Variants in PTGDS observed in about 807,000 individuals in gnomAD.
PTGDS encodes prostaglandin D2 synthase, also known as prostaglandin-H2 D-isomerase.
In PTGDS, 21 loss-of-function variants were observed where a neutral mutation model predicts 28.4. The ratio of observed to expected loss-of-function variants is 0.74; its 90% CI spans 0.52 to 1.07. PTGDS has a LOEUF of 1.07. Ranked by LOEUF, PTGDS falls within the 50% of genes least tolerant of loss-of-function variation. PTGDS has a pLI of 0.00. For missense variants in PTGDS, 243 were observed against 247.7 expected (o/e 0.98, Z 0.13); for synonymous variants, 102 against 106.0 (o/e 0.96, Z 0.23).
At chr9:136,980,157 C>T (rs372493481) in intron 4 of PTGDS, 26 bp from the exon 5 acceptor site, 1 of 1,612,240 alleles carries the variant, frequency 6.2e-7, no homozygotes, top group African/African-American at 1.3e-5. Flanking sequence ...CCCGCTGAGG[C>T]CAGCTCCGTC....
intron 3 of PTGDS, 61 bp downstream of exon 3, chr9:136,979,360 C>T (rs1488284454): frequency 1.9e-6 from 3 of 1,585,472 alleles, no homozygotes; most frequent in Non-Finnish European, 1.7e-6. Context: ...GCCGGGACGA[C>T]TCTGGGCCAG....
Position 136,978,996 on chromosome 9 carries a change from C to G in PTGDS, c.118C>G (p.Leu40Val), listed in dbSNP as rs1238850657. ...GGGTGGGGGTCGCTCGCCGCAGTTC[C>G]TGGGGCGCTGGTTCAGCGCGGGCCT... ...VQPNFQQDKF[L>V]GRWFSAGLAS... Residue 40 changes from leucine to valine, a missense_variant, in exon 2 of 7, where the codon CTG becomes GTG. By Grantham distance (32) the Leu-to-Val change is conservative. Coordinates refer to ENST00000371625, the MANE Select transcript of PTGDS (RefSeq NM_000954.6). 7 of 1,607,968 alleles carry G rather than the reference C, an allele frequency of 4.4e-6. No homozygotes were observed. Among genetic ancestry groups the G allele is most frequent in the Non-Finnish European group, 5.1e-6 (6 of 1,178,474 alleles).
At chr9:136,980,109 G>A (rs1029752816) in intron 4 of PTGDS, 47 bp downstream of exon 4, 2 of 1,606,626 alleles carry the variant, frequency 1.2e-6, no homozygotes, top group East Asian at 4.5e-5. Context: ...GACCAGAGGG[G>A]GCTCCCCAAG....
chr9:136,980,544 C>T, intron 5 of PTGDS: 1 of 1,094,528 alleles, frequency 9.1e-7, no homozygotes, highest in African/African-American at 1.6e-5. Context: ...GGGCTTCAGC[C>T]TGGTGGGGGG....
At position 136,979,239 on chromosome 9, in the gene PTGDS, A is replaced by G. The variant is rs754996883; in HGVS notation, c.271A>G (p.Thr91Ala). The G allele has an allele frequency of 6.2e-7, 1 of 1,612,838 alleles. No homozygotes were observed. The highest frequency in any genetic ancestry group is 1.7e-5 in the Admixed American group (1 of 59,996). The change falls in exon 3 of 7, where the codon ACC becomes GCC. Residue 91 changes from threonine (T) to alanine (A), a missense_variant. Transcript: ENST00000371625. ...STFLRKNQCE[T>A]RTMLLQPAGS... is the part of the protein sequence containing the mutation. ...CACCTACAGGAAAAACCAGTGTGAG[A>G]CCCGAACCATGCTGCTGCAGCCCGC...
intron 3 of PTGDS, 60 bp from the exon 4 acceptor site, chr9:136,979,885 TG>T: frequency 6.7e-7 from 1 of 1,489,728 alleles, no homozygotes; most frequent in Non-Finnish European, 9.4e-7. Context: ...ACCCCTTCCC[TG>T]AAGCAGAGGT....
intron 5 of PTGDS, 108 bp downstream of exon 5, chr9:136,980,392 G>A (rs1160596064): frequency 8.9e-6 from 11 of 1,240,522 alleles, no homozygotes; most frequent in South Asian, 4.1e-5. Flanking sequence ...CGCCCTGCTC[G>A]AGGCCTGGGC....
intron 3 of PTGDS, chr9:136,979,737 T>C: frequency 1.6e-6 from 1 of 638,570 alleles, no homozygotes; most frequent in South Asian, 1.8e-5. Flanking sequence ...TTTCTGAGCC[T>C]GGCTCCCCCA....
At chr9:136,979,435 G>A (rs1010934664) in intron 3 of PTGDS, 136 bp downstream of exon 3, 2 of 1,554,352 alleles carry the variant, frequency 1.3e-6, no homozygotes, top group South Asian at 2.3e-5. Context: ...AGAGGCAAAG[G>A]CCAGGCCTGG....
intron 3 of PTGDS, 96 bp from the exon 4 acceptor site, chr9:136,979,850 G>A (rs1830426746): frequency 8.4e-7 from 1 of 1,183,950 alleles, no homozygotes; most frequent in Non-Finnish European, 1.3e-6. Flanking sequence ...CCGAGGGGCT[G>A]AGTGCCCCCA....
intron 3 of PTGDS, 161 bp downstream of exon 3, chr9:136,979,460 G>T: frequency 1.9e-6 from 3 of 1,543,402 alleles, no homozygotes; most frequent in South Asian, 1.2e-5. Context: ...GACTACCCAT[G>T]CACAAGTGTT....
rs767863601 is a variant in PTGDS, at chr9:136,980,044, C to A, written c.430C>A (p.Arg144Ser). Reference sequence around the variant, plus strand: ...CAGCAAGGGCCCTGGCGAGGACTTCCGCATGGCCACCCTCTACAGTACGTG... The same window carrying A: ...CAGCAAGGGCCCTGGCGAGGACTTCAGCATGGCCACCCTCTACAGTACGTG... ...QGSKGPGEDF[R>S]MATLYSRTQT... Residue 144 changes from arginine (R) to serine (S), a missense_variant, in exon 4 of 7, where the codon CGC becomes AGC. By Grantham distance (110) the Arg-to-Ser change is moderately radical. Coordinates refer to ENST00000371625, the MANE Select transcript of PTGDS (RefSeq NM_000954.6). 6 of 1,612,288 alleles carry A rather than the reference C, an allele frequency of 3.7e-6. No individual in the cohort carries two copies. In the South Asian group the frequency reaches 6.6e-5, roughly 18 times the overall value.
intron 5 of PTGDS, chr9:136,980,603 G>A: frequency 6.8e-7 from 1 of 1,466,704 alleles, no homozygotes; most frequent in Non-Finnish European, 9.2e-7. Flanking sequence ...CAACCATACT[G>A]GGCTCAGGCA....
rs35556170 is a variant in PTGDS at position 136,978,984 on chromosome 9, T to C, written c.115-9T>C. 5.4e-3 allele frequency: 8,690 copies of C among 1,604,416 alleles called. 422 individuals are homozygous for C. In the African/African-American group the frequency reaches 0.1, roughly 19 times the overall value. On this transcript the variant is annotated splice_polypyrimidine_tract_variant and intron_variant, in intron 1 of 6. Coordinates refer to ENST00000371625, the MANE Select transcript of PTGDS (RefSeq NM_000954.6). ...CCTGGCCGACGCGGGTGGGGGTCGC[T>C]CGCCGCAGTTCCTGGGGCGCTGGTT...
chr9:136,977,948 A>C (rs1830390898), intron 1 of PTGDS, among the ~76,000 whole-genome samples: 1 of 152,116 alleles, frequency 6.6e-6, no homozygotes, highest in African/African-American at 2.4e-5. Flanking sequence ...ACACGCGCCC[A>C]CGCCAGCCAG....
At chr9:136,977,773 T>C (rs2131395730) in intron 1 of PTGDS, 81 bp downstream of exon 1, 2 of 1,276,882 alleles carry the variant, frequency 1.6e-6, no homozygotes, top group Non-Finnish European at 2.1e-6. Flanking sequence ...GTCTTCCCCC[T>C]GGGAGGAGTG....
intron 3 of PTGDS, 167 bp from the exon 4 acceptor site, chr9:136,979,779 G>C (rs1830425706): frequency 1.4e-6 from 1 of 730,198 alleles, no homozygotes; most frequent in Non-Finnish European, 2.4e-6. Context: ...TTCACAGGCT[G>C]TGCAGGCGAG....
At position 136,980,211 on chromosome 9, in the gene PTGDS, AAAG is replaced by A; in HGVS notation, c.478_480del (p.Lys160del). On this transcript the variant is annotated inframe_deletion, in exon 5 of 7. Coordinates refer to ENST00000371625, the MANE Select transcript of PTGDS (RefSeq NM_000954.6). ...GAACCCAGACCCCCAGGGCTGAGTT[AAAG>A]GAGAAATTCACCGCCTTCTGCAAGG... is the stretch of plus-strand genomic sequence containing the variant. The A allele has an allele frequency of 6.2e-7, 1 of 1,614,002 alleles. No individual in the cohort carries two copies. The highest frequency in any genetic ancestry group is 8.5e-7 in the Non-Finnish European group (1 of 1,179,970).
chr9:136,977,954 G>A lies in PTGDS; in HGVS notation c.114+262G>A, dbSNP rs368434699. On this transcript the variant is annotated intron_variant, in intron 1 of 6. Transcript: ENST00000371625. The stretch of plus-strand genomic sequence containing the variant: ...CCGGGCCACACACGCGCCCACGCCA[G>A]CCAGACACGTCCACCCCTGTGGGCA... Among the ~76,000 whole-genome samples the A allele has an allele frequency of 3.5e-3, 539 of 152,316 alleles. 3 individuals carry two copies. The highest frequency in any genetic ancestry group is 0.012 in the African/African-American group (513 of 41,560).
Sources: gnomAD v4.1 joint callset for allele counts (sites outside exome capture counted in the v4.1 genomes callset) on GRCh38, gnomAD v4.1.1 for gene constraint, MANE v1.5 for transcripts, NCBI Gene and HGNC (gene_info 2026-07-23, HGNC 2026-07-21) for gene names.